MAPK8: variants seen among roughly 807,000 people sequenced by gnomAD.
MAPK8 encodes the protein mitogen-activated protein kinase 8, also known as JUN N-terminal kinase.
In MAPK8, 13 loss-of-function variants were observed where a neutral mutation model predicts 52.9. The observed-to-expected ratio is 0.25, with a 90% CI of 0.16 to 0.39. The LOEUF (loss-of-function observed/expected upper bound fraction) is 0.39, where lower values mean the gene tolerates loss of function less well. Among genes scored for constraint, MAPK8 ranks in the 10% least tolerant of loss-of-function variants. MAPK8 has a pLI of 1.00. For missense variants in MAPK8, 300 were observed against 519.2 expected, an observed-to-expected ratio of 0.58 and a Z score of 4.10; for synonymous variants, 191 against 169.8, an observed-to-expected ratio of 1.12 and a Z score of -0.97.
At chr10:48,425,734 T>TC (rs1173225820) in intron 7 of MAPK8, 154 bp from the exon 8 acceptor site, 1 of 477,594 alleles carries the variant, frequency 2.1e-6, no homozygotes, top group Non-Finnish European at 3.7e-6. Context: ...CCACCTACAA[T>TC]CATTGCCTTT....
intron 1 of MAPK8, among the ~76,000 whole-genome samples, chr10:48,361,567 A>G (rs1044462924): frequency 6.6e-6 from 1 of 152,186 alleles, no homozygotes; most frequent in African/African-American, 2.4e-5. Context: ...AAGGAAATGT[A>G]TTATAGCTAT....
At chr10:48,386,032 A>T (rs1195290961) in intron 1 of MAPK8, among the ~76,000 whole-genome samples, 1 of 152,192 alleles carries the variant, frequency 6.6e-6, no homozygotes, top group African/African-American at 2.4e-5. Context: ...TGTGGTATCA[A>T]CTAATATGAA....
intron 1 of MAPK8, among the ~76,000 whole-genome samples, chr10:48,374,507 GA>G (rs1171630818): frequency 2.6e-5 from 4 of 151,972 alleles, no homozygotes; most frequent in African/African-American, 7.2e-5. Flanking sequence ...TAATAAAGAA[GA>G]AAAGAGAGAA....
At chr10:48,348,891 A>G (rs1175186241) in intron 1 of MAPK8, among the ~76,000 whole-genome samples, 2 of 151,890 alleles carry the variant, frequency 1.3e-5, no homozygotes, top group Non-Finnish European at 1.5e-5. Context: ...GGCATGTGCA[A>G]AGACACTCAT....
In MAPK8 at chr10:48,363,485, GT is replaced by G. The variant is rs529874820; in HGVS notation, c.-49-38123del. Among the ~76,000 whole-genome samples, 579 of 152,196 alleles carry G rather than the reference GT, an allele frequency of 3.8e-3. 2 individuals carry two copies. The highest frequency in any genetic ancestry group is 0.01 in the Middle Eastern group (3 of 294). On this transcript the variant is annotated intron_variant, in intron 1 of 11. Transcript: ENST00000374189. ...CATAAAGGAAGAGTGTTTGTCCTTA[GT>G]TTTCATCTTTAGTTATCCATAAAAT...
intron 3 of MAPK8, among the ~76,000 whole-genome samples, chr10:48,406,805 C>T (rs1229214899): frequency 6.6e-6 from 1 of 152,176 alleles, no homozygotes; most frequent in African/African-American, 2.4e-5. Context: ...TCTCTGAACA[C>T]ACTTTGAAAG....
At chr10:48,380,112 C>T (rs913429599) in intron 1 of MAPK8, among the ~76,000 whole-genome samples, 4 of 151,862 alleles carry the variant, frequency 2.6e-5, no homozygotes, top group East Asian at 2.0e-4. Context: ...CATGGTGGTG[C>T]GCACCTGTAA....
intron 3 of MAPK8, among the ~76,000 whole-genome samples, chr10:48,409,537 T>C (rs967881593): frequency 5.3e-5 from 8 of 152,150 alleles, no homozygotes; most frequent in African/African-American, 7.2e-5. Flanking sequence ...TGAGATTATA[T>C]AGAGATACTG....
intron 1 of MAPK8, among the ~76,000 whole-genome samples, chr10:48,400,029 ACTTCT>A (rs2132954168): frequency 6.6e-6 from 1 of 152,280 alleles, no homozygotes; most frequent in South Asian, 2.1e-4. Context: ...CACTCTTCCC[ACTTCT>A]CTTCTTCCTT....
intron 1 of MAPK8, among the ~76,000 whole-genome samples, chr10:48,389,552 A>G (rs537378462): frequency 6.6e-6 from 1 of 152,186 alleles, no homozygotes; most frequent in Admixed American, 6.5e-5. Flanking sequence ...AAGATTAATC[A>G]TCTTTCTCTT....
intron 10 of MAPK8, among the ~76,000 whole-genome samples, chr10:48,428,975 C>G (rs1259201492): frequency 1.4e-5 from 2 of 147,736 alleles, no homozygotes; most frequent in Non-Finnish European, 3.0e-5. Flanking sequence ...GTGTGATCCA[C>G]TGCACTTGGC....
chr10:48,419,344 C>T (rs1442058559), intron 5 of MAPK8, among the ~76,000 whole-genome samples: 1 of 152,136 alleles, frequency 6.6e-6, no homozygotes, highest in South Asian at 2.1e-4. Context: ...ATGCTTTCTT[C>T]GTTTTTTGGT....
chr10:48,325,909 G>A (rs949173522), intron 1 of MAPK8: 66 of 152,178 alleles, frequency 4.3e-4, no homozygotes, highest in African/African-American at 1.4e-3. Context: ...TGGCCTTATG[G>A]GTTTCTAGAA....
At chr10:48,369,872 A>G (rs1247555049) in intron 1 of MAPK8, among the ~76,000 whole-genome samples, 1 of 152,168 alleles carries the variant, frequency 6.6e-6, no homozygotes, top group Non-Finnish European at 1.5e-5. Context: ...AAGTTTGTTG[A>G]TGACCTTGGT....
intron 1 of MAPK8, among the ~76,000 whole-genome samples, chr10:48,326,285 C>CA (rs1248473703): frequency 6.6e-6 from 1 of 152,034 alleles, no homozygotes; most frequent in Non-Finnish European, 1.5e-5. Context: ...GGTTATAGTC[C>CA]AATACTATTA....
At chr10:48,376,361 T>C (rs2040660673) in intron 1 of MAPK8, among the ~76,000 whole-genome samples, 2 of 152,130 alleles carry the variant, frequency 1.3e-5, no homozygotes, top group Non-Finnish European at 2.9e-5. Context: ...CCAAAAGCAA[T>C]TGCAACAAAA....
intron 1 of MAPK8, among the ~76,000 whole-genome samples, chr10:48,329,646 G>C (rs534959629): frequency 1.3e-5 from 2 of 152,144 alleles, no homozygotes; most frequent in Non-Finnish European, 2.9e-5. Context: ...CTGTTTTATT[G>C]GTGTACATAG....
intron 1 of MAPK8, among the ~76,000 whole-genome samples, chr10:48,314,980 C>A (rs1842355842): frequency 6.6e-6 from 1 of 152,184 alleles, no homozygotes; most frequent in Non-Finnish European, 1.5e-5. Flanking sequence ...AAAATGCCAC[C>A]TTTACCATTT....
chr10:48,347,687 G>A (rs1020473984), intron 1 of MAPK8, among the ~76,000 whole-genome samples: 1 of 152,090 alleles, frequency 6.6e-6, no homozygotes, highest in East Asian at 1.9e-4. Flanking sequence ...TGAGAATGAT[G>A]GTTTCCAGAT....
Sources: allele counts gnomAD v4.1 joint callset (sites outside exome capture counted in the v4.1 genomes callset), GRCh38; gene constraint gnomAD v4.1.1; transcripts MANE v1.5; gene names NCBI Gene and HGNC (gene_info 2026-07-23, HGNC 2026-07-21).